The following NLRP13 variants were observed in gnomAD, a reference collection of about 807,000 sequenced individuals.
NLRP13 encodes the protein NACHT, LRR and PYD domains-containing protein 13.
NLRP13 carries 82 observed loss-of-function variants against 94.4 expected under a neutral mutation model. The ratio of observed to expected loss-of-function variants is 0.87; its 90% confidence interval spans 0.73 to 1.04. The LOEUF (loss-of-function observed/expected upper bound fraction) is 1.04. Ranked by LOEUF, NLRP13 falls within the 50% of genes least tolerant of loss-of-function variation. The pLI is 0.00. For synonymous variants in NLRP13, 553 were observed against 464.7 expected, an observed-to-expected ratio of 1.19 and a Z score of -2.45; for missense variants, 1,426 against 1,230.8, an observed-to-expected ratio of 1.16 and a Z score of -2.37.
Position 55,911,887 on chromosome 19 carries a change from C to T in NLRP13, c.1930G>A (p.Glu644Lys), listed in dbSNP as rs138022962. ...HILRLFHCLHESQEEDFTKKM... is the reference protein window; with the variant it reads ...HILRLFHCLHKSQEEDFTKKM... Reference sequence around the variant, plus strand: ...TTTGTGAAGTCTTCCTCCTGGGACTCGTGTAGGCAGTGAAAAAGTCGTAGA... The same window carrying T: ...TTTGTGAAGTCTTCCTCCTGGGACTTGTGTAGGCAGTGAAAAAGTCGTAGA... Residue 644 changes from glutamate (E) to lysine (K), a missense_variant, in exon 5 of 11, where the codon GAG (glutamate) becomes AAG (lysine). Coordinates refer to ENST00000342929, the MANE Select transcript of NLRP13 (RefSeq NM_176810.2). 150 of 1,614,030 alleles carry T rather than the reference C, an allele frequency of 9.3e-5. 3 individuals are homozygous for T. The South Asian group carries it at 1.4e-3, about 15-fold the overall frequency.
chr19:55,931,718 A>AGACAGAAAG lies in NLRP13; in HGVS notation c.319+274_319+275insCTTTCTGTC. ...AGTGGAGACTCAGGCTCAAAAAAAA[A>AGACAGAAAG]AAAAAAAGAAAGAAAGAAAGAAAGA... On this transcript the variant is annotated intron_variant, in intron 1 of 10. Coordinates refer to ENST00000342929, the MANE Select transcript of NLRP13 (RefSeq NM_176810.2). 7.1e-4 allele frequency among the ~76,000 whole-genome samples: 68 copies of AGACAGAAAG among 95,932 alleles called. 2 individuals carry two copies. Among genetic ancestry groups the AGACAGAAAG allele is most frequent in the South Asian group, 1.0e-3 (3 of 2,946 alleles). The allele number at this position is 95,932 out of a possible 152,430, so 62.9% of individuals were successfully genotyped here.
intron 4 of NLRP13, among the ~76,000 whole-genome samples, chr19:55,918,253 C>CAAAAAAAAAAAAAAAAA (rs34099048): frequency 7.6e-6 from 1 of 130,788 alleles, no homozygotes; most frequent in Admixed American, 7.8e-5. Context: ...TGTGATACAG[C>CAAAAAAAAAAAAAAAAA]AAAAAAAAAA....
chr19:55,921,964 T>A (rs1313879866), intron 4 of NLRP13, among the ~76,000 whole-genome samples: 1 of 152,212 alleles, frequency 6.6e-6, no homozygotes, highest in African/African-American at 2.4e-5. Flanking sequence ...CAAGAGTAGG[T>A]AATTTATAAA....
At chr19:55,920,884 T>C (rs1461325036) in intron 4 of NLRP13, among the ~76,000 whole-genome samples, 1 of 152,090 alleles carries the variant, frequency 6.6e-6, no homozygotes, top group East Asian at 1.9e-4. Flanking sequence ...ATAAAGAAAA[T>C]GTGGTGTATG....
chr19:55,894,038 C>T (rs1049036028), downstream of NLRP13, among the ~76,000 whole-genome samples: 1 of 134,948 alleles, frequency 7.4e-6, no homozygotes, highest in Non-Finnish European at 1.5e-5. Flanking sequence ...TTCTCCATGC[C>T]CCAACTTTTT....
At chr19:55,916,939 G>GAAAAA (rs1986689976) in intron 4 of NLRP13, among the ~76,000 whole-genome samples, 1 of 151,868 alleles carries the variant, frequency 6.6e-6, no homozygotes, top group African/African-American at 2.4e-5. Flanking sequence ...TAATGTGAAG[G>GAAAAA]AAAAAACGTC....
At position 55,912,243 on chromosome 19, in the gene NLRP13, A is replaced by T. The variant is rs1221949846; in HGVS notation, c.1574T>A (p.Ile525Asn). The T allele has an allele frequency of 6.2e-7, 1 of 1,614,154 alleles. No individual in the cohort carries two copies. Among genetic ancestry groups the T allele is most frequent in the Admixed American group, 1.7e-5 (1 of 60,020 alleles). Residue 525 changes from isoleucine (I) to asparagine (N), a missense_variant, in exon 5 of 11, where the codon ATC (isoleucine) becomes AAC (asparagine). Transcript: ENST00000342929. ...AGTAGTGCAACCCCCACAGTCATTG[A>T]TCTTTTGAAGAATATTGAACTCGTA... ...SLYEFNILQK[I>N]NDCGGCTTFT...
At chr19:55,908,834 G>T (rs1293450267) in intron 6 of NLRP13, among the ~76,000 whole-genome samples, 2 of 152,128 alleles carry the variant, frequency 1.3e-5, no homozygotes, top group Non-Finnish European at 1.5e-5. Flanking sequence ...TAATATCTGG[G>T]TGATGAAATA....
At chr19:55,894,789 G>A (rs571848805), downstream of NLRP13, among the ~76,000 whole-genome samples, 24 of 152,164 alleles carry the variant, frequency 1.6e-4, no homozygotes, top group Admixed American at 7.2e-4. Context: ...GCCCAGAGTC[G>A]GTATTGAAAA....
intron 7 of NLRP13, among the ~76,000 whole-genome samples, 156 bp from the exon 8 acceptor site, chr19:55,905,268 G>A (rs759450086): frequency 2.0e-4 from 31 of 151,884 alleles, no homozygotes; most frequent in Non-Finnish European, 4.0e-4. Context: ...AGGGCCAGGC[G>A]CAGTGGCTGA....
At chr19:55,914,250 CCTT>C (rs1216664153) in intron 4 of NLRP13, among the ~76,000 whole-genome samples, 1 of 152,168 alleles carries the variant, frequency 6.6e-6, no homozygotes. Flanking sequence ...TTCTTAGAGG[CCTT>C]CTGGGGCCTA....
intron 8 of NLRP13, among the ~76,000 whole-genome samples, chr19:55,904,129 G>A (rs1479891929): frequency 3.9e-5 from 6 of 152,128 alleles, no homozygotes; most frequent in Non-Finnish European, 8.8e-5. Context: ...GTCTCACTCT[G>A]TCATCCGGGC....
intron 1 of NLRP13, among the ~76,000 whole-genome samples, chr19:55,930,199 G>C (rs1308999574): frequency 6.6e-6 from 1 of 152,180 alleles, no homozygotes; most frequent in Non-Finnish European, 1.5e-5. Context: ...ACAAGGTCAA[G>C]CACAGAGCCT....
chr19:55,917,013 A>C (rs1568697488), intron 4 of NLRP13, among the ~76,000 whole-genome samples: 1 of 152,196 alleles, frequency 6.6e-6, no homozygotes, highest in East Asian at 1.9e-4. Context: ...TCAGACTAAC[A>C]GCAGACTTCT....
At position 55,912,222 on chromosome 19, in the gene NLRP13, G is replaced by C. The variant is rs2123123479; in HGVS notation, c.1595C>G (p.Thr532Ser). 1.2e-6 allele frequency: 2 copies of C among 1,614,164 alleles called. No individual in the cohort carries two copies. The highest frequency in any genetic ancestry group is 1.6e-4 in the Middle Eastern group (1 of 6,062). The change falls in exon 5 of 11, where the codon ACT (threonine) becomes AGT (serine). Residue 532 changes from threonine (T) to serine (S), a missense_variant. By Grantham distance (58) the Thr-to-Ser change is moderately conservative (BLOSUM62 1). Transcript: ENST00000342929. ...CTGGAAACTTAGGTGGGTGAAAGTA[G>C]TGCAACCCCCACAGTCATTGATCTT... ...LQKINDCGGC[T>S]TFTHLSFQEF... is the part of the protein sequence containing the mutation.
chr19:55,927,474 C>T (rs1986996467), intron 1 of NLRP13, among the ~76,000 whole-genome samples: 1 of 151,528 alleles, frequency 6.6e-6, no homozygotes, highest in African/African-American at 2.4e-5. Context: ...AAAAAAAATC[C>T]CAGTTCTGGA....
rs775373789 is a variant in NLRP13 at position 55,910,558 on chromosome 19, C to G, written c.2282+5G>C. The G allele has an allele frequency of 3.1e-6, 5 of 1,591,316 alleles. No individual in the cohort carries two copies. Among genetic ancestry groups the G allele is most frequent in the Non-Finnish European group, 4.3e-6 (5 of 1,164,088 alleles). ...CTTCTTGAGCTGCTGGCGTCTCACA[C>G]TTACGTCAGTTTCTGGACTTTGCAT... On this transcript the variant is annotated splice_donor_5th_base_variant and intron_variant, in intron 6 of 10. Coordinates refer to ENST00000342929, the MANE Select transcript of NLRP13 (RefSeq NM_176810.2).
In NLRP13 at chr19:55,915,340, G is replaced by A. The variant is rs974573708; in HGVS notation, c.524-2047C>T. On this transcript the variant is annotated intron_variant, in intron 4 of 10. Coordinates refer to ENST00000342929, the MANE Select transcript of NLRP13 (RefSeq NM_176810.2). ...CAGCCATGTGCGGTGGCTCATGCCTGTAATCCCAGCACTTTGGGAGGCCGA... is the reference window on the plus strand; with the variant it reads ...CAGCCATGTGCGGTGGCTCATGCCTATAATCCCAGCACTTTGGGAGGCCGA... Among the ~76,000 whole-genome samples, 3 of 152,116 alleles carry A rather than the reference G, an allele frequency of 2.0e-5. No homozygotes were observed. The East Asian group carries it at 5.8e-4, about 29-fold the overall frequency.
At chr19:55,918,339 A>G (rs1254748501) in intron 4 of NLRP13, among the ~76,000 whole-genome samples, 1 of 152,024 alleles carries the variant, frequency 6.6e-6, no homozygotes, top group East Asian at 1.9e-4. Context: ...AACTCAAGGA[A>G]AAAGAATAAG....
Sources: gnomAD v4.1 joint callset for allele counts (sites outside exome capture counted in the v4.1 genomes callset) on GRCh38, gnomAD v4.1.1 for gene constraint, MANE v1.5 for transcripts, NCBI Gene and HGNC (gene_info 2026-07-23, HGNC 2026-07-21) for gene names.